The following TBRG1 variants were observed in gnomAD, a reference collection of about 807,000 sequenced individuals.
The protein encoded by TBRG1 is transforming growth factor beta regulator 1.
TBRG1 carries 31 observed loss-of-function variants against 44.0 expected under a neutral mutation model. That is an observed-to-expected ratio of 0.70 (90% CI 0.53 to 0.95). The LOEUF is 0.95. Among genes scored for constraint, TBRG1 ranks in the 40% least tolerant of loss-of-function variants. The probability of loss-of-function intolerance (pLI) is 0.00; values close to 1 mark genes in which losing one functional copy is unlikely to be tolerated. For synonymous variants in TBRG1, 171 were observed against 188.1 expected, an observed-to-expected ratio of 0.91 and a Z score of 0.74; for missense variants, 487 against 496.1, an observed-to-expected ratio of 0.98 and a Z score of 0.18.
Position 124,633,959 on chromosome 11 carries a change from G to A in TBRG1, c.*1721G>A, listed in dbSNP as rs1207162919. ...GTTGAACTGGTTTTTCAGCTATAAT[G>A]CATATACAACTATAGTGTGTACGTA... On this transcript the variant is annotated 3_prime_UTR_variant, in exon 9 of 9. Coordinates refer to ENST00000441174, the MANE Select transcript of TBRG1 (RefSeq NM_032811.3). 2.0e-5 allele frequency: 3 copies of A among 152,296 alleles called. No individual in the cohort carries two copies. In the East Asian group the frequency reaches 5.8e-4, roughly 29 times the overall value. 9.4% of individuals were successfully genotyped at this position (152,296 alleles called of 1,614,324 possible).
chr11:124,626,854 C>G (rs1942487029), intron 4 of TBRG1, 50 bp from the exon 5 acceptor site: 1 of 1,578,150 alleles, frequency 6.3e-7, no homozygotes, highest in Non-Finnish European at 8.6e-7. Context: ...AACTGGACTT[C>G]TAAATTCTTC....
chr11:124,628,112 T>TACACACAC (rs1942523075), intron 5 of TBRG1, among the ~76,000 whole-genome samples: 2 of 51,334 alleles, frequency 3.9e-5, no homozygotes, highest in African/African-American at 1.9e-4. Context: ...TATATATATA[T>TACACACAC]ATATACACAC....
intron 7 of TBRG1, 58 bp from the exon 8 acceptor site, chr11:124,631,217 G>C: frequency 6.8e-7 from 1 of 1,476,348 alleles, no homozygotes; most frequent in Non-Finnish European, 9.1e-7. Context: ...TTAGTGATAG[G>C]AATGGGTATT....
Position 124,623,029 on chromosome 11 carries a change from C to G in TBRG1, c.-55C>G. Reference sequence around the variant, plus strand: ...AAAGCCAGCGCTCCCGCCCGCTCCCCGACTTAGGATCCGATGCCGGCAGCG... The same window carrying G: ...AAAGCCAGCGCTCCCGCCCGCTCCCGGACTTAGGATCCGATGCCGGCAGCG... On this transcript the variant is annotated 5_prime_UTR_variant, in exon 1 of 9. Coordinates refer to ENST00000441174, the MANE Select transcript of TBRG1 (RefSeq NM_032811.3). 1 of 1,480,258 alleles carries G rather than the reference C, an allele frequency of 6.8e-7. No homozygotes were observed. The highest frequency in any genetic ancestry group is 8.9e-7 in the Non-Finnish European group (1 of 1,117,412). 91.7% of individuals were successfully genotyped at this position (1,480,258 alleles called of 1,614,324 possible). A position where few individuals can be genotyped will look rare whatever the true frequency, so the allele number is the denominator to read the frequency against.
At chr11:124,631,150 C>T in intron 7 of TBRG1, 125 bp from the exon 8 acceptor site, 1 of 963,818 alleles carries the variant, frequency 1.0e-6, no homozygotes, top group Non-Finnish European at 1.5e-6. Context: ...TTTTTGTTAG[C>T]AAATATGTGT....
chr11:124,630,808 C>CA lies in TBRG1; in HGVS notation c.901dup (p.Ile301AsnfsTer23). The CA allele has an allele frequency of 6.2e-7, 1 of 1,606,424 alleles. No individual in the cohort carries two copies. The highest frequency in any genetic ancestry group is 1.1e-5 in the South Asian group (1 of 89,028). On this transcript the variant is annotated frameshift_variant, in exon 7 of 9. Coordinates refer to ENST00000441174, the MANE Select transcript of TBRG1 (RefSeq NM_032811.3). LOFTEE classifies it high-confidence loss of function. ...ACTTTTTTGGATTTTCTCATCCAGC[C>CA]ATCCACAACCTGATCCAGAGCTGTC... is the stretch of plus-strand genomic sequence containing the variant.
rs111392455 is a variant in TBRG1, at chr11:124,626,026, G to A, written c.454+123G>A. ...CTTAGAGTCTCATCTGGTTCTTAAG[G>A]AGCCCTAGGAGCCCTTGAGAAAACA... On this transcript the variant is annotated intron_variant, in intron 3 of 8. Coordinates refer to ENST00000441174, the MANE Select transcript of TBRG1 (RefSeq NM_032811.3). 6.1e-6 allele frequency: 8 copies of A among 1,320,150 alleles called. No individual in the cohort carries two copies. In the African/African-American group the frequency reaches 8.9e-5, roughly 15 times the overall value. 81.8% of individuals were successfully genotyped at this position (1,320,150 alleles called of 1,614,324 possible).
Position 124,631,472 on chromosome 11 carries a change from C to T in TBRG1, c.1090+55C>T, listed in dbSNP as rs1250949225. The T allele has an allele frequency of 4.5e-6, 7 of 1,539,336 alleles. No homozygotes were observed. The African/African-American group carries it at 8.2e-5, about 18-fold the overall frequency. ...AAATTGACTGTGTTTAGGCTACCTT[C>T]CCATCTTCACACATAGCCGAGTACC... is the stretch of plus-strand genomic sequence containing the variant. On this transcript the variant is annotated intron_variant, in intron 8 of 8. Transcript: ENST00000441174.
In TBRG1 at chr11:124,630,699, A is replaced by T. The variant is rs1328723212; in HGVS notation, c.837-46A>T. The T allele has an allele frequency of 2.9e-6, 4 of 1,364,578 alleles. No homozygotes were observed. In the South Asian group the frequency reaches 4.9e-5, roughly 17 times the overall value. The allele number at this position is 1,364,578 out of a possible 1,614,324, so 84.5% of individuals were successfully genotyped here. A position where few individuals can be genotyped will look rare whatever the true frequency, so the allele number is the denominator to read the frequency against. On this transcript the variant is annotated intron_variant, in intron 6 of 8. Coordinates refer to ENST00000441174, the MANE Select transcript of TBRG1 (RefSeq NM_032811.3). ...CTATTCTGTTCTTAAATCCATCTTC[A>T]TCTCCCGCTAAGCTCTCAAACTAAA...
In TBRG1 at chr11:124,630,455, C is replaced by T. The variant is rs767823918; in HGVS notation, c.806C>T (p.Ala269Val). 7 of 1,613,414 alleles carry T rather than the reference C, an allele frequency of 4.3e-6. No homozygotes were observed. In the African/African-American group the frequency reaches 8.0e-5, roughly 18 times the overall value. Residue 269 changes from alanine to valine, a missense_variant, in exon 6 of 9, where the codon GCA becomes GTA. Ala to Val is a moderately conservative substitution (Grantham distance 64). Transcript: ENST00000441174. The stretch of plus-strand genomic sequence containing the variant: ...AGCTCTTCTGCAGATGCTTGTCATG[C>T]AGAACTGCTCAGGACTATAAGCACT... Reference protein sequence around the residue: ...IVSSSADACHAELLRTISTTM... With the variant: ...IVSSSADACHVELLRTISTTM...
chr11:124,626,625 G>A lies in TBRG1; in HGVS notation c.591+16G>A, dbSNP rs767416732. On this transcript the variant is annotated intron_variant, in intron 4 of 8. Transcript: ENST00000441174. The stretch of plus-strand genomic sequence containing the variant: ...CCTGGGGGAGGTGAGTGAGACCAGC[G>A]ATATATAGAGAGGAGAATCAGGGAA... 69 of 1,551,246 alleles carry A rather than the reference G, an allele frequency of 4.4e-5. 1 individual carries two copies. The highest frequency in any genetic ancestry group is 1.1e-4 in the South Asian group (9 of 84,050).
intron 5 of TBRG1, among the ~76,000 whole-genome samples, chr11:124,628,104 T>TAC (rs1348298507): frequency 1.9e-5 from 1 of 52,100 alleles, no homozygotes; most frequent in African/African-American, 1.1e-4. Flanking sequence ...TATATATATA[T>TAC]ATATATATAT....
intron 5 of TBRG1, 156 bp from the exon 6 acceptor site, chr11:124,630,232 C>T: frequency 1.6e-6 from 1 of 620,022 alleles, no homozygotes. Flanking sequence ...GGATTTGTTT[C>T]AATTTTTAGC....
At chr11:124,628,056 G>T (rs1942509861) in intron 5 of TBRG1, among the ~76,000 whole-genome samples, 1 of 112,426 alleles carries the variant, frequency 8.9e-6, no homozygotes, top group Non-Finnish European at 1.7e-5. Context: ...CTAACGTCAA[G>T]TAGCTGTTTT....
intron 5 of TBRG1, among the ~76,000 whole-genome samples, chr11:124,627,338 T>C (rs1419106832): frequency 6.6e-6 from 1 of 152,222 alleles, no homozygotes; most frequent in African/African-American, 2.4e-5. Context: ...AGCCTACTTA[T>C]GTGAGGTACA....
intron 4 of TBRG1, 133 bp from the exon 5 acceptor site, chr11:124,626,771 C>T: frequency 4.1e-6 from 6 of 1,465,690 alleles, no homozygotes; most frequent in Non-Finnish European, 5.6e-6. Context: ...GTCTGCTACA[C>T]AGCCTACTCT....
intron 5 of TBRG1, among the ~76,000 whole-genome samples, chr11:124,628,400 C>T (rs1942531996): frequency 6.6e-6 from 1 of 150,628 alleles, no homozygotes; most frequent in Non-Finnish European, 1.5e-5. Context: ...AAAATGTAAA[C>T]TCTTCTGAAT....
rs1333889936 is a variant in TBRG1, at chr11:124,622,912, G to A, written c.-172G>A. The A allele has an allele frequency of 1.8e-5, 12 of 665,284 alleles. No homozygotes were observed. In the African/African-American group the frequency reaches 2.2e-4, roughly 12 times the overall value. 41.2% of individuals were successfully genotyped at this position (665,284 alleles called of 1,614,324 possible). On this transcript the variant is annotated 5_prime_UTR_variant, in exon 1 of 9. Coordinates refer to ENST00000441174, the MANE Select transcript of TBRG1 (RefSeq NM_032811.3). ...GCTGGGAGGCGCCGGGAGCCCGTTC[G>A]GTTGCGGGTGTCTCTGGCCCTGCGG...
Position 124,627,045 on chromosome 11 carries a change from C to A in TBRG1, c.733C>A (p.Pro245Thr), listed in dbSNP as rs772291071. The A allele has an allele frequency of 9.7e-6, 15 of 1,539,714 alleles. No individual in the cohort carries two copies. Among genetic ancestry groups the A allele is most frequent in the Non-Finnish European group, 1.3e-5 (15 of 1,135,814 alleles). ...TCQIKDGGVQ[P>T]QFEIVPEDDP... is the part of the protein sequence containing the mutation. ...TCAGATCAAGGATGGTGGTGTGCAG[C>A]CTCAGGTACCCCCTCTAATAATAAC... The change falls in exon 5 of 9, where the codon CCT (proline) becomes ACT (threonine). Residue 245 changes from proline to threonine, a missense_variant. Transcript: ENST00000441174.
Sources: allele counts gnomAD v4.1 joint callset (sites outside exome capture counted in the v4.1 genomes callset), GRCh38; gene constraint gnomAD v4.1.1; transcripts MANE v1.5; gene names NCBI Gene and HGNC (gene_info 2026-07-23, HGNC 2026-07-21).